ANKRD40: variants seen among roughly 807,000 people sequenced by gnomAD.
ANKRD40 encodes ankyrin repeat domain 40.
ANKRD40 carries 24 observed loss-of-function variants against 35.5 expected under a neutral mutation model. That is an observed-to-expected ratio of 0.68 (90% CI 0.49 to 0.95). The LOEUF (loss-of-function observed/expected upper bound fraction) is 0.95, where lower values mean the gene tolerates loss of function less well. ANKRD40 is among the 40% of genes least tolerant of loss of function. The probability of loss-of-function intolerance (pLI) is 0.00; values close to 1 mark genes in which losing one functional copy is unlikely to be tolerated. For synonymous variants in ANKRD40, 147 were observed against 173.5 expected (o/e 0.85, Z 1.20); for missense variants, 361 against 436.0 (o/e 0.83, Z 1.53).
At chr17:50,705,950 C>T (rs931196260) in intron 1 of ANKRD40, among the ~76,000 whole-genome samples, 4 of 151,372 alleles carry the variant, frequency 2.6e-5, no homozygotes, top group African/African-American at 9.7e-5. Context: ...TCAGCCACCG[C>T]GCCAGGTCCA....
chr17:50,704,039 G>A (rs1045612072), intron 1 of ANKRD40, among the ~76,000 whole-genome samples: 4 of 151,790 alleles, frequency 2.6e-5, no homozygotes, highest in African/African-American at 9.7e-5. Flanking sequence ...ACTGGATGTC[G>A]GCTATGAAAG....
At chr17:50,702,560 A>T (rs1221513162) in intron 1 of ANKRD40, among the ~76,000 whole-genome samples, 1 of 152,214 alleles carries the variant, frequency 6.6e-6, no homozygotes, top group African/African-American at 2.4e-5. Context: ...AATTATAATG[A>T]TAAGTGAGCC....
Position 50,700,604 on chromosome 17 carries a change from A to G in ANKRD40, c.247T>C (p.Leu83=). Residue 83 remains leucine (L), a synonymous_variant, in exon 2 of 5, where the codon TTA becomes CTA. Coordinates refer to ENST00000285243, the MANE Select transcript of ANKRD40 (RefSeq NM_052855.4). ...TTCCTGATTTCTCTCCTTGATGTTA[A>G]CTGGACTGGCATTTCTCCTTTTGTG... ...LTTKGEMPVQ[L]TSRREIRKIM... 6.2e-7 allele frequency: 1 copy of G among 1,614,128 alleles called. No individual in the cohort carries two copies. Among genetic ancestry groups the G allele is most frequent in the Non-Finnish European group, 8.5e-7 (1 of 1,180,022 alleles).
intron 2 of ANKRD40, 107 bp downstream of exon 2, chr17:50,700,452 AAAAAAAAAG>A: frequency 4.4e-6 from 5 of 1,136,088 alleles, no homozygotes; most frequent in Non-Finnish European, 6.0e-6. Context: ...TCGGAAAAAA[AAAAAAAAAG>A]AAAGAAATAG....
chr17:50,696,183 T>C (rs1968198899), intron 4 of ANKRD40, 40 bp from the exon 5 acceptor site: 1 of 1,598,222 alleles, frequency 6.3e-7, no homozygotes, highest in Admixed American at 1.7e-5. Flanking sequence ...CAGGAGCCAC[T>C]TGTCTCCATA....
In ANKRD40 at chr17:50,707,604, G is replaced by C; in HGVS notation, c.51C>G (p.Ala17=). ...QKEQQERLRE[A]AALGDIREVQ... is the part of the protein sequence containing the mutation. ...CCTCCCGAATGTCCCCTAAGGCCGC[G>C]GCCTCCCGCAGCCTCTCCTGCTGCT... Residue 17 remains alanine (A), a synonymous_variant, in exon 1 of 5, where the codon GCC becomes GCG. Transcript: ENST00000285243. This position sits in a 1 kb window ranked among gnomAD's most constrained non-coding sequence, Gnocchi z 4.8. The C allele has an allele frequency of 6.2e-7, 1 of 1,603,832 alleles. No homozygotes were observed. The highest frequency in any genetic ancestry group is 8.5e-7 in the Non-Finnish European group (1 of 1,175,402).
Position 50,700,637 on chromosome 17 carries a change from T to G in ANKRD40, c.214A>C (p.Ile72Leu). 6 of 1,614,088 alleles carry G rather than the reference T, an allele frequency of 3.7e-6. No individual in the cohort carries two copies. The highest frequency in any genetic ancestry group is 1.7e-5 in the Admixed American group (1 of 60,008). Reference protein sequence around the residue: ...YLLKSGADKEILTTKGEMPVQ... With the variant: ...YLLKSGADKELLTTKGEMPVQ... Reference sequence around the variant, plus strand: ...GGCATTTCTCCTTTTGTGGTAAGAATTTCTTTGTCAGCTCCTGATTTTAAC... The same window carrying G: ...GGCATTTCTCCTTTTGTGGTAAGAAGTTCTTTGTCAGCTCCTGATTTTAAC... The change falls in exon 2 of 5, where the codon ATT becomes CTT. Residue 72 changes from isoleucine (I) to leucine (L), a missense_variant. Ile to Leu is a conservative substitution (Grantham distance 5, BLOSUM62 2). Around this residue, in one of 5 missense-constraint regions of ANKRD40, gnomAD observed 35 missense variants for 68.4 expected, o/e 0.51. Coordinates refer to ENST00000285243, the MANE Select transcript of ANKRD40 (RefSeq NM_052855.4).
rs1245511407 is a variant in ANKRD40 at position 50,694,916 on chromosome 17, A to G, written c.*1081T>C. 6.6e-6 allele frequency: 1 copy of G among 152,232 alleles called. No homozygotes were observed. The highest frequency in any genetic ancestry group is 1.5e-5 in the Non-Finnish European group (1 of 68,040). The allele number at this position is 152,232 out of a possible 1,614,324, so 9.4% of individuals were successfully genotyped here. A position where few individuals can be genotyped will look rare whatever the true frequency, so the allele number is the denominator to read the frequency against. On this transcript the variant is annotated 3_prime_UTR_variant, in exon 5 of 5. Coordinates refer to ENST00000285243, the MANE Select transcript of ANKRD40 (RefSeq NM_052855.4). ...ATAAAGATGCTAACTCCTTTAGCTC[A>G]GTTTCCCACAATAACCTTTAAAATA... is the stretch of plus-strand genomic sequence containing the variant.
At chr17:50,699,923 C>A in intron 2 of ANKRD40, 30 bp from the exon 3 acceptor site, 1 of 1,451,864 alleles carries the variant, frequency 6.9e-7, no homozygotes, top group Admixed American at 2.7e-5. Context: ...AACATTTACA[C>A]AGTCCTTTCA....
chr17:50,699,670 A>T lies in ANKRD40; in HGVS notation c.507T>A (p.Pro169=). The change falls in exon 3 of 5, where the codon CCT becomes CCA. Residue 169 remains proline, a synonymous_variant. Coordinates refer to ENST00000285243, the MANE Select transcript of ANKRD40 (RefSeq NM_052855.4). ...CCCGGGGAAAGGTCCCTAACAGGGG[A>T]GGTTCCCCAGGGGGAAGCAATGGAG... ...GSPPLLPPGE[P]PLLGTFPRDH... The T allele has an allele frequency of 1.9e-6, 3 of 1,614,116 alleles. No individual in the cohort carries two copies. The highest frequency in any genetic ancestry group is 2.2e-5 in the South Asian group (2 of 91,080).
chr17:50,706,012 A>G (rs1046073382), intron 1 of ANKRD40, among the ~76,000 whole-genome samples: 10 of 151,678 alleles, frequency 6.6e-5, no homozygotes, highest in African/African-American at 2.4e-4. Flanking sequence ...GTGCTATCAT[A>G]TTAATAGTTA....
chr17:50,701,801 A>G (rs11650099), intron 1 of ANKRD40, among the ~76,000 whole-genome samples: 44,165 of 152,100 alleles, frequency 0.29, 6,572 homozygotes, highest in Middle Eastern at 0.35. Context: ...CCTGGGAAGT[A>G]TAATTATTTG....
chr17:50,707,725 C>T lies in ANKRD40; in HGVS notation c.-71G>A. Reference sequence around the variant, plus strand: ...CGCCCGGGGCCTGTCAGCGCCGCCGCCGTCGCCGCGGCCCGCTCCCGGCCA... The same window carrying T: ...CGCCCGGGGCCTGTCAGCGCCGCCGTCGTCGCCGCGGCCCGCTCCCGGCCA... On this transcript the variant is annotated 5_prime_UTR_variant, in exon 1 of 5. Transcript: ENST00000285243. This position sits in a 1 kb window ranked among gnomAD's most constrained non-coding sequence, Gnocchi z 4.8. The T allele has an allele frequency of 4.4e-6, 5 of 1,137,942 alleles. No individual in the cohort carries two copies. The highest frequency in any genetic ancestry group is 5.4e-6 in the Non-Finnish European group (5 of 919,032). The allele number at this position is 1,137,942 out of a possible 1,614,324, so 70.5% of individuals were successfully genotyped here.
Position 50,707,276 on chromosome 17 carries a change from G to A in ANKRD40, c.134+245C>T, listed in dbSNP as rs1171858666. 6.6e-6 allele frequency among the ~76,000 whole-genome samples: 1 copy of A among 152,116 alleles called. No individual in the cohort carries two copies. The highest frequency in any genetic ancestry group is 1.5e-5 in the Non-Finnish European group (1 of 68,010). ...CCGGGAGCGCGGGGGAAGGGGGTAG[G>A]GCACCAGAGTCCCAGTGGGCGCTGC... On this transcript the variant is annotated intron_variant, in intron 1 of 4. Transcript: ENST00000285243. The surrounding 1 kb of genome is among the most constrained non-coding windows in gnomAD (Gnocchi z 4.8).
intron 1 of ANKRD40, among the ~76,000 whole-genome samples, chr17:50,703,995 C>T (rs1188609863): frequency 6.6e-6 from 1 of 151,838 alleles, no homozygotes; most frequent in Non-Finnish European, 1.5e-5. Context: ...CAGATTCTGA[C>T]TGTATCTGAA....
At chr17:50,705,486 C>A (rs1439828353) in intron 1 of ANKRD40, among the ~76,000 whole-genome samples, 2 of 150,930 alleles carry the variant, frequency 1.3e-5, no homozygotes, top group African/African-American at 4.9e-5. Flanking sequence ...GACAGCTGTC[C>A]AGGCTGTTTT....
intron 1 of ANKRD40, among the ~76,000 whole-genome samples, chr17:50,704,837 G>A (rs1040562016): frequency 1.3e-5 from 2 of 152,022 alleles, no homozygotes; most frequent in African/African-American, 4.8e-5. Context: ...TGAGCTGGCC[G>A]GGCACGGTGG....
intron 3 of ANKRD40, among the ~76,000 whole-genome samples, chr17:50,698,006 C>T (rs1048118778): frequency 6.6e-6 from 1 of 151,978 alleles, no homozygotes; most frequent in East Asian, 1.9e-4. Context: ...ATATTGATAT[C>T]TTTCCTGGCT....
chr17:50,696,836 T>C, intron 4 of ANKRD40, 104 bp downstream of exon 4: 1 of 1,104,042 alleles, frequency 9.1e-7, no homozygotes, highest in South Asian at 1.8e-5. Flanking sequence ...CTTTGCTCCT[T>C]TTCTATTCTT....
Sources: gnomAD v4.1 joint callset for allele counts (sites outside exome capture counted in the v4.1 genomes callset) on GRCh38, gnomAD v4.1.1 for gene constraint, gnomAD v4.1.1 regional missense constraint, Gnocchi (gnomAD v3.1) non-coding constraint, MANE v1.5 for transcripts, NCBI Gene and HGNC (gene_info 2026-07-23, HGNC 2026-07-21) for gene names.